NDUFA8: variants seen among roughly 807,000 people sequenced by gnomAD.
The protein encoded by NDUFA8 is NADH:ubiquinone oxidoreductase subunit A8, also known as NADH dehydrogenase [ubiquinone] 1 alpha subcomplex subunit 8.
In NDUFA8, 16 loss-of-function variants were observed where a neutral mutation model predicts 20.9. That is an observed-to-expected ratio of 0.77 (90% CI 0.52 to 1.16). The LOEUF is 1.16. Among genes scored for constraint, NDUFA8 ranks in the 50% most tolerant of loss-of-function variants. The probability of loss-of-function intolerance (pLI) is 0.00; values close to 1 mark genes in which losing one functional copy is unlikely to be tolerated. For synonymous variants in NDUFA8, 70 were observed against 76.1 expected, an observed-to-expected ratio of 0.92 and a Z score of 0.41; for missense variants, 202 against 216.4, an observed-to-expected ratio of 0.93 and a Z score of 0.42.
Position 122,159,723 on chromosome 9 carries a change from C to A in NDUFA8, c.-46G>T, listed in dbSNP as rs1829153811. 1.2e-6 allele frequency: 2 copies of A among 1,613,390 alleles called. No individual in the cohort carries two copies. The highest frequency in any genetic ancestry group is 1.3e-5 in the African/African-American group (1 of 75,064). ...CGACGAGAAGCCCTCAGCCGCGTCG[C>A]CCCCGTCTCCTTGAACTCCCCTTTC... is the stretch of plus-strand genomic sequence containing the variant. On this transcript the variant is annotated 5_prime_UTR_variant, in exon 1 of 4. Transcript: ENST00000373768.
chr9:122,139,180 G>A (rs1375136431), downstream of NDUFA8, among the ~76,000 whole-genome samples: 1 of 152,192 alleles, frequency 6.6e-6, no homozygotes, highest in African/African-American at 2.4e-5. Flanking sequence ...AGCACAGCGA[G>A]CCCTGCCCTG....
intron 3 of NDUFA8, among the ~76,000 whole-genome samples, chr9:122,145,670 T>C (rs1415703290): frequency 6.6e-6 from 1 of 152,076 alleles, no homozygotes; most frequent in African/African-American, 2.4e-5. Flanking sequence ...ACCAGGGAGG[T>C]TGGCATGCCT....
At chr9:122,151,399 C>T (rs1187292171) in intron 2 of NDUFA8, among the ~76,000 whole-genome samples, 6 of 152,134 alleles carry the variant, frequency 3.9e-5, no homozygotes, top group South Asian at 4.2e-4. Context: ...ATACGAAGTC[C>T]GCCAGCCAGG....
At position 122,148,011 on chromosome 9, in the gene NDUFA8, T is replaced by C; in HGVS notation, c.381+101A>G. On this transcript the variant is annotated intron_variant, in intron 3 of 3. Transcript: ENST00000373768. ...TATGTTTGGTAAATCTGGTAAGTTC[T>C]TACATCATATCTGTATTTACAGAGA... 2.2e-6 allele frequency: 3 copies of C among 1,374,694 alleles called. No homozygotes were observed. The South Asian group carries it at 3.5e-5, about 16-fold the overall frequency. 85.2% of individuals were successfully genotyped at this position (1,374,694 alleles called of 1,614,324 possible).
chr9:122,159,465 C>T (rs1278337358), intron 1 of NDUFA8, among the ~76,000 whole-genome samples, 162 bp downstream of exon 1: 1 of 151,790 alleles, frequency 6.6e-6, no homozygotes, highest in Non-Finnish European at 1.5e-5. Context: ...AGGCGACTCC[C>T]AAAGCTGCGG....
At chr9:122,147,763 A>C (rs911053274) in intron 3 of NDUFA8, among the ~76,000 whole-genome samples, 9 of 151,542 alleles carry the variant, frequency 5.9e-5, no homozygotes, top group Non-Finnish European at 1.3e-4. Flanking sequence ...AGTAGCTGGG[A>C]CTACAGGCGC....
chr9:122,141,196 T>C (rs1828815067), downstream of NDUFA8, among the ~76,000 whole-genome samples: 2 of 152,078 alleles, frequency 1.3e-5, no homozygotes, highest in South Asian at 4.2e-4. Context: ...GATGGGGAAA[T>C]GGGCTAGGCT....
chr9:122,133,078 C>G, the NDUFA8 span: 9 of 453,632 alleles, frequency 2.0e-5, no homozygotes, highest in Non-Finnish European at 4.0e-5. Flanking sequence ...GACCTTACTT[C>G]CTGCATTTCA....
intron 3 of NDUFA8, among the ~76,000 whole-genome samples, chr9:122,144,645 G>C (rs1404499521): frequency 6.6e-6 from 1 of 152,206 alleles, no homozygotes; most frequent in Non-Finnish European, 1.5e-5. Flanking sequence ...TAGTGAGGGA[G>C]AAAGCCAGGA....
At chr9:122,144,523 C>G in intron 3 of NDUFA8, 145 bp from the exon 4 acceptor site, 1 of 803,910 alleles carries the variant, frequency 1.2e-6, no homozygotes, top group South Asian at 1.4e-5. Context: ...CACATTCAGA[C>G]GTATTTAATC....
chr9:122,141,181 A>G (rs1431582382), downstream of NDUFA8, among the ~76,000 whole-genome samples: 2 of 152,312 alleles, frequency 1.3e-5, no homozygotes, highest in Admixed American at 1.3e-4. Flanking sequence ...AAGAAGTAAG[A>G]TAATGATGGG....
In NDUFA8 at chr9:122,152,096, A is replaced by G. The variant is rs567126908; in HGVS notation, c.215+149T>C. ...CCAGATAATAAAAACAAAACCAAAA[A>G]TAATTATCATCCTTTGAATGTTTTA... On this transcript the variant is annotated intron_variant, in intron 2 of 3. Coordinates refer to ENST00000373768, the MANE Select transcript of NDUFA8 (RefSeq NM_014222.3). The G allele has an allele frequency of 2.1e-5, 19 of 908,042 alleles. No individual in the cohort carries two copies. In the African/African-American group the frequency reaches 2.7e-4, roughly 13 times the overall value. 56.2% of individuals were successfully genotyped at this position (908,042 alleles called of 1,614,324 possible).
At chr9:122,152,555 A>ATTTT (rs59160522) in intron 1 of NDUFA8, 147 bp from the exon 2 acceptor site, 148 of 462,138 alleles carry the variant, frequency 3.2e-4, no homozygotes, top group African/African-American at 7.7e-4. Flanking sequence ...CATAATAATA[A>ATTTT]TTTTTTTTTT....
chr9:122,132,693 A>G, the NDUFA8 span, among the ~76,000 whole-genome samples: 3 of 152,130 alleles, frequency 2.0e-5, no homozygotes, highest in African/African-American at 7.2e-5. Context: ...GATGACCCTA[A>G]GGGTACATCC....
At chr9:122,141,599 G>A (rs1828822148), downstream of NDUFA8, among the ~76,000 whole-genome samples, 1 of 152,148 alleles carries the variant, frequency 6.6e-6, no homozygotes, top group African/African-American at 2.4e-5. Context: ...CAGAGGAAAG[G>A]AGTCAGATAA....
chr9:122,147,974 C>CT (rs1445549225), intron 3 of NDUFA8, 138 bp downstream of exon 3: 2 of 1,084,364 alleles, frequency 1.8e-6, no homozygotes, highest in Admixed American at 3.6e-5. Flanking sequence ...TGTATAATCA[C>CT]TGCCTAATTA....
At chr9:122,143,143 G>T (rs916547600), downstream of NDUFA8, among the ~76,000 whole-genome samples, 11 of 152,116 alleles carry the variant, frequency 7.2e-5, no homozygotes, top group African/African-American at 2.7e-4. Context: ...CATCTGCCTG[G>T]TGCCTCACAG....
Position 122,159,680 on chromosome 9 carries a change from C to A in NDUFA8, c.-3G>T, listed in dbSNP as rs368911552. 1.9e-5 allele frequency: 30 copies of A among 1,614,052 alleles called. No homozygotes were observed. Among genetic ancestry groups the A allele is most frequent in the Middle Eastern group, 3.3e-4 (2 of 6,084 alleles). On this transcript the variant is annotated 5_prime_UTR_variant, in exon 1 of 4. Coordinates refer to ENST00000373768, the MANE Select transcript of NDUFA8 (RefSeq NM_014222.3). Reference sequence around the variant, plus strand: ...GGCAGCTCCACTATCCCCGGCATGACGGCTGCAGCCCCGACCCCGACGAGA... The same window carrying A: ...GGCAGCTCCACTATCCCCGGCATGAAGGCTGCAGCCCCGACCCCGACGAGA...
chr9:122,139,801 G>A (rs1828795937), downstream of NDUFA8, among the ~76,000 whole-genome samples: 1 of 152,118 alleles, frequency 6.6e-6, no homozygotes, highest in South Asian at 2.1e-4. Flanking sequence ...TCAAATGATT[G>A]TCATGCCTCA....
Sources: gnomAD v4.1 joint callset for allele counts (sites outside exome capture counted in the v4.1 genomes callset) on GRCh38, gnomAD v4.1.1 for gene constraint, MANE v1.5 for transcripts, NCBI Gene and HGNC (gene_info 2026-07-23, HGNC 2026-07-21) for gene names.